The following DPP10 variants were observed in gnomAD, a reference collection of about 807,000 sequenced individuals.
DPP10 encodes dipeptidyl peptidase like 10.
A neutral mutation model predicts 120.9 loss-of-function variants in DPP10; 33 were observed. The observed-to-expected ratio is 0.27, with a 90% CI of 0.21 to 0.37. DPP10 has a LOEUF of 0.37. Among genes scored for constraint, DPP10 ranks in the 10% least tolerant of loss-of-function variants. DPP10 has a pLI of 1.00. For synonymous variants in DPP10, 337 were observed against 326.1 expected (o/e 1.03, Z -0.36); for missense variants, 816 against 942.8 (o/e 0.87, Z 1.76).
At chr2:115,220,148 G>A (rs1042713021) in intron 1 of DPP10, among the ~76,000 whole-genome samples, 8 of 152,072 alleles carry the variant, frequency 5.3e-5, no homozygotes, top group African/African-American at 1.9e-4. Flanking sequence ...TGTTTTCCTT[G>A]GTATTGGAGC....
At chr2:115,409,327 G>A (rs2068762682) in intron 3 of DPP10, among the ~76,000 whole-genome samples, 2 of 152,116 alleles carry the variant, frequency 1.3e-5, no homozygotes, top group African/African-American at 4.8e-5. Flanking sequence ...GGAGACAAAT[G>A]TGTAAAACTG....
intron 3 of DPP10, among the ~76,000 whole-genome samples, chr2:115,388,096 G>A (rs1243174421): frequency 6.6e-6 from 1 of 152,106 alleles, no homozygotes; most frequent in Non-Finnish European, 1.5e-5. Context: ...CCAAATTATA[G>A]GTCACATCAC....
At chr2:115,716,670 T>C (rs933617376) in intron 7 of DPP10, among the ~76,000 whole-genome samples, 1 of 152,098 alleles carries the variant, frequency 6.6e-6, no homozygotes, top group Admixed American at 6.5e-5. Context: ...ACATTGTGTT[T>C]GAAGAATATA....
chr2:114,582,437 A>G (rs564246183), intron 1 of DPP10, among the ~76,000 whole-genome samples: 1 of 152,208 alleles, frequency 6.6e-6, no homozygotes, highest in South Asian at 2.1e-4. Context: ...TATGTTTTGA[A>G]CTCATTTTGT....
At chr2:115,785,956 TC>T (rs1282107706) in intron 17 of DPP10, among the ~76,000 whole-genome samples, 1 of 152,070 alleles carries the variant, frequency 6.6e-6, no homozygotes, top group Non-Finnish European at 1.5e-5. Flanking sequence ...TAGGATAGCT[TC>T]TTTGGAAATA....
rs140882063 is a variant in DPP10 at position 115,511,167 on chromosome 2, G to C, written c.366+11563G>C. On this transcript the variant is annotated intron_variant, in intron 4 of 25. Transcript: ENST00000410059. ...TTATTTTTTGGAAAAGTTTATGAAG[G>C]ATTTTTTTTAATGTTTCATGGAACT... is the stretch of plus-strand genomic sequence containing the variant. 5.1e-3 allele frequency among the ~76,000 whole-genome samples: 775 copies of C among 152,106 alleles called. 7 individuals carry two copies. Among genetic ancestry groups the C allele is most frequent in the African/African-American group, 0.018 (736 of 41,526 alleles).
At chr2:115,064,514 C>A in intron 1 of DPP10, 2 of 383,316 alleles carry the variant, frequency 5.2e-6, no homozygotes, top group Non-Finnish European at 9.0e-6. Context: ...ATCTGTTGCC[C>A]ATCACTCAAA....
At chr2:115,699,011 T>A (rs1336540777) in intron 7 of DPP10, among the ~76,000 whole-genome samples, 2 of 116,006 alleles carry the variant, frequency 1.7e-5, no homozygotes, top group Admixed American at 2.3e-4. Flanking sequence ...AAACCTTTAG[T>A]TAGCTTGACT....
At chr2:114,891,608 G>A (rs1467674418) in intron 1 of DPP10, among the ~76,000 whole-genome samples, 1 of 152,168 alleles carries the variant, frequency 6.6e-6, no homozygotes, top group Non-Finnish European at 1.5e-5. Flanking sequence ...TCATAATTGT[G>A]CCCATGCTTA....
intron 19 of DPP10, among the ~76,000 whole-genome samples, chr2:115,797,486 G>T (rs896952430): frequency 2.6e-5 from 4 of 152,034 alleles, no homozygotes; most frequent in Admixed American, 6.6e-5. Flanking sequence ...GTGGGTGAAA[G>T]AGATAGCTTG....
chr2:115,220,537 C>T (rs964834689), intron 1 of DPP10, among the ~76,000 whole-genome samples: 1 of 151,952 alleles, frequency 6.6e-6, no homozygotes, highest in Non-Finnish European at 1.5e-5. Flanking sequence ...CAGAGTGAGA[C>T]CCCCATCTCT....
intron 1 of DPP10, among the ~76,000 whole-genome samples, chr2:114,880,997 C>T (rs1180471803): frequency 2.6e-5 from 4 of 152,080 alleles, no homozygotes; most frequent in Admixed American, 6.5e-5. Context: ...CTTTCTGATG[C>T]CAGTGTGACT....
At chr2:115,820,037 C>A (rs1413649800) in intron 21 of DPP10, among the ~76,000 whole-genome samples, 1 of 152,094 alleles carries the variant, frequency 6.6e-6, no homozygotes, top group Non-Finnish European at 1.5e-5. Flanking sequence ...AATTAAAAAT[C>A]CTTTTGAGAT....
At chr2:115,796,011 C>T (rs1178176564) in intron 19 of DPP10, among the ~76,000 whole-genome samples, 2 of 152,064 alleles carry the variant, frequency 1.3e-5, no homozygotes, top group South Asian at 4.1e-4. Context: ...AAAATCTTCT[C>T]ATTATTCATT....
chr2:115,307,377 A>C lies in DPP10; in HGVS notation c.61-1862A>C, dbSNP rs546264562. Among the ~76,000 whole-genome samples the C allele has an allele frequency of 9.9e-5, 15 of 152,132 alleles. 1 individual carries two copies. In the South Asian group the frequency reaches 1.2e-3, roughly 13 times the overall value. On this transcript the variant is annotated intron_variant, in intron 1 of 25. Coordinates refer to ENST00000410059, the MANE Select transcript of DPP10 (RefSeq NM_020868.6). ...CATAATCAGTAAATTTCAGTTTATA[A>C]TTTTTTCTTGATTCTCTTACTGAAT...
chr2:114,831,113 A>G (rs1687081505), intron 1 of DPP10, among the ~76,000 whole-genome samples: 1 of 143,554 alleles, frequency 7.0e-6, no homozygotes, highest in African/African-American at 2.7e-5. Context: ...ATGATGGGGC[A>G]GTAAAGACTT....
chr2:115,150,605 C>T (rs2051485955), intron 1 of DPP10, among the ~76,000 whole-genome samples: 1 of 152,202 alleles, frequency 6.6e-6, no homozygotes, highest in Non-Finnish European at 1.5e-5. Context: ...CTGTTATGTA[C>T]TCTTTCCTAC....
chr2:115,362,955 T>C (rs968747784), intron 3 of DPP10, among the ~76,000 whole-genome samples: 6 of 152,192 alleles, frequency 3.9e-5, no homozygotes, highest in African/African-American at 1.4e-4. Flanking sequence ...GATAACACCT[T>C]GGTATCCTCT....
intron 1 of DPP10, among the ~76,000 whole-genome samples, chr2:114,715,501 T>C (rs1020054382): frequency 6.6e-6 from 1 of 152,080 alleles, no homozygotes; most frequent in Admixed American, 6.6e-5. Flanking sequence ...AATATTTTAT[T>C]CTAGGAAAAA....
Sources: gnomAD v4.1 joint callset for allele counts (sites outside exome capture counted in the v4.1 genomes callset) on GRCh38, gnomAD v4.1.1 for gene constraint, MANE v1.5 for transcripts, NCBI Gene and HGNC (gene_info 2026-07-23, HGNC 2026-07-21) for gene names.